The following PCDHGB5 variants were observed in gnomAD, a reference collection of about 807,000 sequenced individuals.
PCDHGB5 encodes protocadherin gamma subfamily B, 5.
A neutral mutation model predicts 62.9 loss-of-function variants in PCDHGB5; 48 were observed. That is an observed-to-expected ratio of 0.76 (90% CI 0.61 to 0.97). The LOEUF (loss-of-function observed/expected upper bound fraction) is 0.97, where lower values mean the gene tolerates loss of function less well. PCDHGB5 is among the 50% of genes least tolerant of loss of function. The pLI is 0.00. For missense variants in PCDHGB5, 1,118 were observed against 1,198.6 expected, an observed-to-expected ratio of 0.93 and a Z score of 0.99; for synonymous variants, 474 against 511.2, an observed-to-expected ratio of 0.93 and a Z score of 0.98.
Position 141,487,893 on chromosome 5 carries a change from G to A in PCDHGB5, c.2398-6914G>A. Reference sequence around the variant, plus strand: ...AGCCAGGCTGTTGTGGAAGCATGATGATGGAATGTGGGAGCACAGGAGGCT... The same window carrying A: ...AGCCAGGCTGTTGTGGAAGCATGATAATGGAATGTGGGAGCACAGGAGGCT... On this transcript the variant is annotated intron_variant, in intron 1 of 3. Coordinates refer to ENST00000617380, the MANE Select transcript of PCDHGB5 (RefSeq NM_018925.3). The surrounding 1 kb of genome is among the most constrained non-coding windows in gnomAD (Gnocchi z 5.0). The A allele has an allele frequency of 1.4e-6, 1 of 731,472 alleles. No individual in the cohort carries two copies. The highest frequency in any genetic ancestry group is 2.2e-6 in the Non-Finnish European group (1 of 450,166). 45.3% of individuals were successfully genotyped at this position (731,472 alleles called of 1,614,324 possible). A position where few individuals can be genotyped will look rare whatever the true frequency, so the allele number is the denominator to read the frequency against.
At chr5:141,505,361 A>G (rs2099845711) in intron 2 of PCDHGB5, 32 bp from the exon 3 acceptor site, 1 of 1,613,910 alleles carries the variant, frequency 6.2e-7, no homozygotes, top group South Asian at 1.1e-5. Context: ...CCGGCCTGGG[A>G]GTCTGTGCTC....
chr5:141,450,015 T>A (rs911475310), intron 1 of PCDHGB5, among the ~76,000 whole-genome samples: 12 of 149,806 alleles, frequency 8.0e-5, no homozygotes, highest in Non-Finnish European at 1.6e-4. Flanking sequence ...TCTTTTTTTT[T>A]TTTTTTTTTG....
chr5:141,463,041 G>C (rs1383781857), intron 1 of PCDHGB5, among the ~76,000 whole-genome samples: 1 of 152,114 alleles, frequency 6.6e-6, no homozygotes, highest in African/African-American at 2.4e-5. Flanking sequence ...TGAGTGTTCA[G>C]CAGGGTCTCT....
In PCDHGB5 at chr5:141,485,275, G is replaced by C. The variant is rs77402299; in HGVS notation, c.2398-9532G>C. ...ACGTTTGTGGGCAGATCCGCTACCC[G>C]GTCCCAGAGGAGTCACAGGAAGGGA... On this transcript the variant is annotated intron_variant, in intron 1 of 3. Transcript: ENST00000617380. The surrounding 1 kb of genome is among the most constrained non-coding windows in gnomAD (Gnocchi z 5.7). The C allele has an allele frequency of 2.5e-6, 4 of 1,614,072 alleles. No individual in the cohort carries two copies. Among genetic ancestry groups the C allele is most frequent in the Admixed American group, 1.7e-5 (1 of 60,024 alleles).
chr5:141,473,616 G>A (rs1049605139), intron 1 of PCDHGB5, among the ~76,000 whole-genome samples: 5 of 152,118 alleles, frequency 3.3e-5, no homozygotes, highest in African/African-American at 1.2e-4. Flanking sequence ...GCAAAGGGAG[G>A]GAGGAAAAAG....
At chr5:141,441,911 T>TGAG in intron 1 of PCDHGB5, 1 of 348,148 alleles carries the variant, frequency 2.9e-6, no homozygotes, top group Non-Finnish European at 5.5e-6. Context: ...GACGCAGATG[T>TGAG]GAGACACAAT....
rs2098680935 is a variant in PCDHGB5, at chr5:141,450,471, G to A, written c.2398-44336G>A. 2.0e-5 allele frequency among the ~76,000 whole-genome samples: 3 copies of A among 147,910 alleles called. No homozygotes were observed. In the South Asian group the frequency reaches 6.2e-4, roughly 31 times the overall value. ...GTTTCCTCGTGATTTTATATATAGA[G>A]TTTGTTTGTTTGTTTGTCTGTTTGT... On this transcript the variant is annotated intron_variant, in intron 1 of 3. Transcript: ENST00000617380.
chr5:141,427,711 A>T, intron 1 of PCDHGB5: 1 of 1,036,498 alleles, frequency 9.6e-7, no homozygotes, highest in Non-Finnish European at 1.5e-6. Context: ...AGCGCCTCTG[A>T]CCTGGACCTA....
intron 1 of PCDHGB5, among the ~76,000 whole-genome samples, chr5:141,401,895 T>C (rs184400858): frequency 3.8e-4 from 58 of 152,342 alleles, no homozygotes; most frequent in African/African-American, 1.1e-3. Context: ...GTGTTCTTTT[T>C]CCCAAATTAT....
In PCDHGB5 at chr5:141,398,014, C is replaced by G; in HGVS notation, c.-114C>G. On this transcript the variant is annotated 5_prime_UTR_variant, in exon 1 of 4. Transcript: ENST00000617380. ...TTCCTCCTCGGAAAAAGAATCGTTT[C>G]CTAAACTGGAACTGGAACTAAAGCC... The G allele has an allele frequency of 7.0e-7, 1 of 1,420,276 alleles. No homozygotes were observed. Among genetic ancestry groups the G allele is most frequent in the Non-Finnish European group, 9.4e-7 (1 of 1,065,732 alleles). 88.0% of individuals were successfully genotyped at this position (1,420,276 alleles called of 1,614,324 possible).
intron 1 of PCDHGB5, chr5:141,408,141 C>G: frequency 1.3e-6 from 2 of 1,492,116 alleles, no homozygotes; most frequent in Non-Finnish European, 1.8e-6. Context: ...GCTCTTTTAG[C>G]GCGGTAGAGT....
Position 141,423,412 on chromosome 5 carries a change from T to C in PCDHGB5, c.2397+22888T>C, listed in dbSNP as rs754410783. 4 of 1,614,166 alleles carry C rather than the reference T, an allele frequency of 2.5e-6. No individual in the cohort carries two copies. The Admixed American group carries it at 6.7e-5, about 27-fold the overall frequency. The stretch of plus-strand genomic sequence containing the variant: ...GCATAAGTCACGCCTGCTGCAGGCT[T>C]CTGAAGGCGGGTTGGCAGGTATGCC... On this transcript the variant is annotated intron_variant, in intron 1 of 3. Coordinates refer to ENST00000617380, the MANE Select transcript of PCDHGB5 (RefSeq NM_018925.3).
Position 141,485,943 on chromosome 5 carries a change from C to T in PCDHGB5, c.2398-8864C>T, listed in dbSNP as rs750871245. On this transcript the variant is annotated intron_variant, in intron 1 of 3. Transcript: ENST00000617380. This position sits in a 1 kb window ranked among gnomAD's most constrained non-coding sequence, Gnocchi z 5.7. Reference sequence around the variant, plus strand: ...ATTAGTGTGTTGGAGAGCGCACCAGCGGGCATGGTGCTCATCCAGCTCAAT... The same window carrying T: ...ATTAGTGTGTTGGAGAGCGCACCAGTGGGCATGGTGCTCATCCAGCTCAAT... The T allele has an allele frequency of 1.9e-6, 3 of 1,614,126 alleles. No homozygotes were observed. In the South Asian group the frequency reaches 3.3e-5, roughly 18 times the overall value.
At chr5:141,488,031 A>G (rs1475176300) in intron 1 of PCDHGB5, among the ~76,000 whole-genome samples, 1 of 152,122 alleles carries the variant, frequency 6.6e-6, no homozygotes, top group Non-Finnish European at 1.5e-5. Context: ...CTAGGTTACC[A>G]TTTCCCAAGG....
chr5:141,443,588 A>T (rs1479393074), intron 1 of PCDHGB5, among the ~76,000 whole-genome samples: 3 of 152,240 alleles, frequency 2.0e-5, no homozygotes, highest in Non-Finnish European at 4.4e-5. Context: ...CTAAAACAGA[A>T]TGTGGTATAT....
chr5:141,500,271 C>T (rs936454651), intron 2 of PCDHGB5, among the ~76,000 whole-genome samples: 3 of 151,598 alleles, frequency 2.0e-5, no homozygotes, highest in African/African-American at 7.3e-5. Flanking sequence ...TGCAGTGGCG[C>T]AATCTCGGCT....
chr5:141,409,018 G>A (rs369210340), intron 1 of PCDHGB5: 31 of 1,613,814 alleles, frequency 1.9e-5, no homozygotes, highest in Non-Finnish European at 2.5e-5. Context: ...AGGATGAGGG[G>A]GTCAATGCTG....
intron 1 of PCDHGB5, among the ~76,000 whole-genome samples, chr5:141,492,409 C>A (rs1367119266): frequency 6.6e-6 from 1 of 152,230 alleles, no homozygotes; most frequent in Non-Finnish European, 1.5e-5. Flanking sequence ...TCCCCTCTGC[C>A]GCTCCCTCCG....
chr5:141,413,248 GGGATTCCATGGGA>G (rs1349440144), intron 1 of PCDHGB5: 4 of 1,613,844 alleles, frequency 2.5e-6, no homozygotes, highest in Non-Finnish European at 2.5e-6. Context: ...CCTTTTCTTC[GGGATTCCATGGGA>G]GGCTGGAGCC....
Sources: gnomAD v4.1 joint callset for allele counts (sites outside exome capture counted in the v4.1 genomes callset) on GRCh38, gnomAD v4.1.1 for gene constraint, Gnocchi (gnomAD v3.1) non-coding constraint, MANE v1.5 for transcripts, NCBI Gene and HGNC (gene_info 2026-07-23, HGNC 2026-07-21) for gene names.